CASK: variants seen among roughly 807,000 people sequenced by gnomAD.
CASK encodes the protein peripheral plasma membrane protein CASK.
In CASK, 4 loss-of-function variants were observed where a neutral mutation model predicts 82.9. The ratio of observed to expected loss-of-function variants is 0.05; its 90% CI spans 0.02 to 0.11. The LOEUF is 0.11. CASK is among the 10% of genes least tolerant of loss of function. The probability of loss-of-function intolerance (pLI) is 1.00; values close to 1 mark genes in which losing one functional copy is unlikely to be tolerated. For synonymous variants in CASK, 259 were observed against 253.5 expected (o/e 1.02, Z -0.20); for missense variants, 358 against 720.9 (o/e 0.50, Z 5.76).
chrX:41,543,961 C>T (rs1278104118), intron 21 of CASK, among the ~76,000 whole-genome samples: 2 of 112,151 alleles, frequency 1.8e-5, no homozygotes, highest in African/African-American at 6.5e-5. Context: ...ACGTTTCACT[C>T]ATTAGTAAGA....
intron 2 of CASK, among the ~76,000 whole-genome samples, chrX:41,840,545 T>TC (rs1411117887): frequency 8.9e-6 from 1 of 111,902 alleles, no homozygotes; most frequent in East Asian, 2.8e-4. Flanking sequence ...TTTACTTCTT[T>TC]CCCCCCAATC....
At chrX:41,581,186 C>G (rs2065571592) in intron 14 of CASK, among the ~76,000 whole-genome samples, 1 of 110,715 alleles carries the variant, frequency 9.0e-6, no homozygotes, top group Non-Finnish European at 1.9e-5. Flanking sequence ...CAAGACCAGT[C>G]TGGGCAACAA....
chrX:41,846,444 CG>C (rs1424569251), intron 2 of CASK, among the ~76,000 whole-genome samples: 3 of 6,827 alleles, frequency 4.4e-4, no homozygotes, highest in African/African-American at 2.1e-3. Context: ...GTTGGGGGGG[CG>C]GGGGGCTAGT....
chrX:41,592,896 C>T (rs2065767650), intron 12 of CASK, among the ~76,000 whole-genome samples: 1 of 111,736 alleles, frequency 8.9e-6, no homozygotes, highest in Non-Finnish European at 1.9e-5. Flanking sequence ...AAGTGAGAAC[C>T]GCTGTTCTAT....
chrX:41,585,542 A>G (rs2065643084), intron 14 of CASK: 1 of 109,585 alleles, frequency 9.1e-6, no homozygotes, highest in South Asian at 3.9e-4. Flanking sequence ...TCAGGAGATC[A>G]AGACTATCCT....
At position 41,569,563 on chromosome X, in the gene CASK, G is replaced by A. The variant is rs1025272730; in HGVS notation, c.1582+105C>T. 1.5e-5 allele frequency: 9 copies of A among 592,884 alleles called. No individual in the cohort carries two copies. The African/African-American group carries it at 2.0e-4, about 13-fold the overall frequency. The allele number at this position is 592,884 out of a possible 1,213,427, so 48.9% of individuals were successfully genotyped here. On this transcript the variant is annotated intron_variant, in intron 16 of 26. Coordinates refer to ENST00000378163, the MANE Select transcript of CASK (RefSeq NM_001367721.1). Reference sequence around the variant, plus strand: ...TCAAGACCAGTCTGGGCAACATAGTGAGAGACCCCATCTCAAAAACAAAAC... The same window carrying A: ...TCAAGACCAGTCTGGGCAACATAGTAAGAGACCCCATCTCAAAAACAAAAC...
At chrX:41,633,193 T>C (rs1201478600) in intron 9 of CASK, among the ~76,000 whole-genome samples, 1 of 111,200 alleles carries the variant, frequency 9.0e-6, no homozygotes, top group Non-Finnish European at 1.9e-5. Context: ...TGGACTGCAA[T>C]AAACTTACCC....
intron 11 of CASK, among the ~76,000 whole-genome samples, chrX:41,612,819 C>T (rs1479459917): frequency 3.0e-5 from 3 of 98,774 alleles, no homozygotes; most frequent in African/African-American, 7.5e-5. Flanking sequence ...TCTGCCTGGC[C>T]GCCCCTACTG....
intron 2 of CASK, among the ~76,000 whole-genome samples, chrX:41,800,188 C>CTGG (rs1324202523): frequency 9.0e-6 from 1 of 111,114 alleles, no homozygotes; most frequent in Non-Finnish European, 1.9e-5. Flanking sequence ...CTTTCAGCAC[C>CTGG]TGGTGAACAC....
chrX:41,829,107 A>G (rs2070731839), intron 2 of CASK, among the ~76,000 whole-genome samples: 1 of 110,943 alleles, frequency 9.0e-6, no homozygotes, highest in Non-Finnish European at 1.9e-5. Context: ...GCCAGACCAC[A>G]TGAGCTGACA....
At chrX:41,784,128 G>C (rs1246275245) in intron 3 of CASK, among the ~76,000 whole-genome samples, 1 of 111,350 alleles carries the variant, frequency 9.0e-6, no homozygotes, top group African/African-American at 3.3e-5. Flanking sequence ...TGTGGTCTGC[G>C]GTTTTTCTTT....
Position 41,559,827 on chromosome X carries a change from A to G in CASK, c.1689T>C (p.Ile563=). 8.3e-7 allele frequency: 1 copy of G among 1,209,501 alleles called. No individual in the cohort carries two copies. The highest frequency in any genetic ancestry group is 1.1e-6 in the Non-Finnish European group (1 of 893,415). The part of the protein sequence containing the change: ...QKMLREMRGS[I]TFKIVPSYRT... Reference sequence around the variant, plus strand: ...GGTAACTTGGCACAATCTTGAAGGTAATACTCCCCCGCATTTCCCTCTGGA... The same window carrying G: ...GGTAACTTGGCACAATCTTGAAGGTGATACTCCCCCGCATTTCCCTCTGGA... Residue 563 remains isoleucine (I), a synonymous_variant, in exon 18 of 27, where the codon ATT becomes ATC. Transcript: ENST00000378163.
At chrX:41,521,542 C>A (rs1381796231) in intron 26 of CASK, among the ~76,000 whole-genome samples, 3 of 111,943 alleles carry the variant, frequency 2.7e-5, no homozygotes, top group Non-Finnish European at 5.6e-5. Flanking sequence ...CTTTGTCATG[C>A]AAGTATAGCT....
chrX:41,611,814 TTA>T, intron 11 of CASK, among the ~76,000 whole-genome samples: 1 of 110,406 alleles, frequency 9.1e-6, no homozygotes, highest in Non-Finnish European at 1.9e-5. Context: ...TTCTCCTGCC[TTA>T]GCCTGCCGAG....
chrX:41,711,646 C>T lies in CASK; in HGVS notation c.429+27738G>A, dbSNP rs143049047. On this transcript the variant is annotated intron_variant, in intron 5 of 26. Transcript: ENST00000378163. ...GGTGTGCTTTCCTCTGATTGATCCC[C>T]GCCCCTCACCTATTTTACATATACC... Among the ~76,000 whole-genome samples, 105 of 111,213 alleles carry T rather than the reference C, an allele frequency of 9.4e-4. 2 individuals are homozygous for T. The East Asian group carries it at 0.023, about 24-fold the overall frequency.
chrX:41,609,815 C>T (rs1364076532), intron 12 of CASK, 89 bp downstream of exon 12: 1 of 1,028,036 alleles, frequency 9.7e-7, no homozygotes, highest in East Asian at 3.1e-5. Flanking sequence ...CCTCTGCCTC[C>T]CAAAGTGCTT....
chrX:41,841,021 C>T (rs1266387206), intron 2 of CASK, among the ~76,000 whole-genome samples: 2 of 111,933 alleles, frequency 1.8e-5, no homozygotes, highest in African/African-American at 3.2e-5. Context: ...TACCAGTTTT[C>T]GTGTGTACAT....
intron 7 of CASK, 69 bp downstream of exon 7, chrX:41,665,207 TA>T (rs754100030): frequency 1.4e-5 from 13 of 938,107 alleles, no homozygotes; most frequent in Non-Finnish European, 1.8e-5. Context: ...AGACAGACAG[TA>T]ACTTCAAAAA....
chrX:41,914,450 C>T (rs1330009916), intron 1 of CASK, among the ~76,000 whole-genome samples: 2 of 112,217 alleles, frequency 1.8e-5, no homozygotes, highest in Non-Finnish European at 3.8e-5. Context: ...ACGAAGCAAT[C>T]GTTTCTTATT....
Sources: allele counts gnomAD v4.1 joint callset (sites outside exome capture counted in the v4.1 genomes callset), GRCh38; gene constraint gnomAD v4.1.1; transcripts MANE v1.5; gene names NCBI Gene and HGNC (gene_info 2026-07-23, HGNC 2026-07-21).